The following PACRG variants were observed in gnomAD, a reference collection of about 807,000 sequenced individuals.
PACRG encodes the protein parkin coregulated gene protein.
A neutral mutation model predicts 29.7 loss-of-function variants in PACRG; 29 were observed. That is an observed-to-expected ratio of 0.98 (90% CI 0.73 to 1.33). The LOEUF (loss-of-function observed/expected upper bound fraction) is 1.33, where lower values mean the gene tolerates loss of function less well. Among genes scored for constraint, PACRG ranks in the 40% most tolerant of loss-of-function variants. The pLI is 0.00. For missense variants in PACRG, 279 were observed against 316.2 expected (o/e 0.88, Z 0.89); for synonymous variants, 116 against 118.7 (o/e 0.98, Z 0.15).
intron 4 of PACRG, among the ~76,000 whole-genome samples, chr6:163,137,354 TCC>T: frequency 6.6e-6 from 1 of 151,998 alleles, no homozygotes; most frequent in Non-Finnish European, 1.5e-5. Context: ...ACACTGCAAC[TCC>T]CTGCCCTGCT....
intron 1 of PACRG, among the ~76,000 whole-genome samples, chr6:162,754,947 A>G (rs1781790100): frequency 6.6e-6 from 1 of 152,136 alleles, no homozygotes; most frequent in Admixed American, 6.5e-5. Flanking sequence ...ACAGGCATGT[A>G]AAAGTCTTAT....
At chr6:162,949,525 T>C (rs1301021484) in intron 2 of PACRG, among the ~76,000 whole-genome samples, 4 of 152,194 alleles carry the variant, frequency 2.6e-5, no homozygotes, top group African/African-American at 7.2e-5. Flanking sequence ...TCTCAACTCA[T>C]AGAAATGATG....
intron 2 of PACRG, among the ~76,000 whole-genome samples, chr6:163,041,504 C>T (rs1808718287): frequency 6.6e-6 from 1 of 152,106 alleles, no homozygotes; most frequent in African/African-American, 2.4e-5. Flanking sequence ...TGTCTCTCTC[C>T]AGCCACCATG....
chr6:162,838,553 C>A (rs1252670885), intron 2 of PACRG, among the ~76,000 whole-genome samples: 1 of 152,060 alleles, frequency 6.6e-6, no homozygotes, highest in Non-Finnish European at 1.5e-5. Flanking sequence ...AACAGTGAGT[C>A]TTTCCCACAC....
chr6:162,949,711 G>A lies in PACRG; in HGVS notation c.292-112439G>A, dbSNP rs552419282. Reference sequence around the variant, plus strand: ...TACTTTTGAGTGAAAAATAGAGTGAGGGCAGAAACTAAGTCAGATTCTTGG... The same window carrying A: ...TACTTTTGAGTGAAAAATAGAGTGAAGGCAGAAACTAAGTCAGATTCTTGG... On this transcript the variant is annotated intron_variant, in intron 2 of 4. Coordinates refer to ENST00000366888, the MANE Select transcript of PACRG (RefSeq NM_001080379.2). 2.0e-5 allele frequency among the ~76,000 whole-genome samples: 3 copies of A among 152,210 alleles called. No individual in the cohort carries two copies. The East Asian group carries it at 5.8e-4, about 29-fold the overall frequency.
chr6:162,831,288 T>A, intron 2 of PACRG, among the ~76,000 whole-genome samples: 1 of 152,170 alleles, frequency 6.6e-6, no homozygotes, highest in East Asian at 1.9e-4. Context: ...AATTTATATT[T>A]ATTGCTTTTC....
At chr6:162,804,215 C>T (rs1028719871) in intron 1 of PACRG, among the ~76,000 whole-genome samples, 54 of 152,276 alleles carry the variant, frequency 3.5e-4, no homozygotes, top group Middle Eastern at 6.8e-3. Context: ...AAGCTTTCTA[C>T]AGTTTCTTAT....
intron 1 of PACRG, among the ~76,000 whole-genome samples, chr6:162,802,403 C>G (rs1785950255): frequency 6.6e-6 from 1 of 152,162 alleles, no homozygotes; most frequent in Non-Finnish European, 1.5e-5. Flanking sequence ...TTACTCTGCA[C>G]TTTACATGTT....
chr6:162,824,311 C>G (rs1247668574), intron 2 of PACRG, among the ~76,000 whole-genome samples: 1 of 152,042 alleles, frequency 6.6e-6, no homozygotes, highest in Non-Finnish European at 1.5e-5. Flanking sequence ...CCTTATGTTT[C>G]TGACCGGGCC....
chr6:162,785,201 A>AGG (rs1491268108), intron 1 of PACRG, among the ~76,000 whole-genome samples: 1 of 145,356 alleles, frequency 6.9e-6, no homozygotes, highest in Non-Finnish European at 1.5e-5. Flanking sequence ...AGAGAGAGAG[A>AGG]GGGAGAGAAA....
intron 4 of PACRG, among the ~76,000 whole-genome samples, chr6:163,180,791 A>T (rs1779616301): frequency 6.6e-6 from 1 of 152,118 alleles, no homozygotes; most frequent in Admixed American, 6.5e-5. Context: ...TGGGCAAAAA[A>T]TCTGATTTTA....
At chr6:162,805,399 C>A (rs1454155474) in intron 1 of PACRG, among the ~76,000 whole-genome samples, 1 of 152,120 alleles carries the variant, frequency 6.6e-6, no homozygotes, top group Non-Finnish European at 1.5e-5. Flanking sequence ...TCATCTGAGC[C>A]TTCAGTGAGT....
intron 2 of PACRG, among the ~76,000 whole-genome samples, chr6:163,008,609 A>G (rs1208755963): frequency 6.7e-6 from 1 of 149,410 alleles, no homozygotes; most frequent in Non-Finnish European, 1.5e-5. Flanking sequence ...ATCAAGCCCA[A>G]CGGAAAGCTT....
intron 2 of PACRG, among the ~76,000 whole-genome samples, chr6:162,972,786 C>T (rs1037949552): frequency 2.0e-5 from 3 of 152,178 alleles, no homozygotes; most frequent in Non-Finnish European, 2.9e-5. Flanking sequence ...GTCTGCTCTA[C>T]GTCTTCCACA....
At chr6:162,761,929 CCATCTCAA>C (rs1354707962) in intron 1 of PACRG, among the ~76,000 whole-genome samples, 1 of 133,530 alleles carries the variant, frequency 7.5e-6, no homozygotes. Context: ...CAGCGAGACT[CCATCTCAA>C]AAAAAAAAAA....
At chr6:162,891,177 C>T (rs1794727904) in intron 2 of PACRG, among the ~76,000 whole-genome samples, 1 of 152,144 alleles carries the variant, frequency 6.6e-6, no homozygotes, top group South Asian at 2.1e-4. Flanking sequence ...CCAGTCTGAC[C>T]CCAGCAGCAC....
At chr6:163,080,043 T>C (rs2209103) in intron 3 of PACRG, among the ~76,000 whole-genome samples, 2 of 151,562 alleles carry the variant, frequency 1.3e-5, no homozygotes, top group African/African-American at 4.9e-5. Context: ...AAACTACAGG[T>C]GCCCGCCACC....
chr6:163,113,859 A>G (rs1815841243), intron 4 of PACRG, among the ~76,000 whole-genome samples: 2 of 152,312 alleles, frequency 1.3e-5, no homozygotes, highest in Admixed American at 6.5e-5. Flanking sequence ...AGAAACTAGT[A>G]TTGTTTCACT....
Position 163,276,171 on chromosome 6 carries a change from C to A in PACRG, c.614-38656C>A, listed in dbSNP as rs565925246. On this transcript the variant is annotated intron_variant, in intron 4 of 4. Transcript: ENST00000366888. ...TCTCCCACATAGCTGGGACTACAGG[C>A]GAGCGCTACCATGCCTGGCTAATTT... Among the ~76,000 whole-genome samples the A allele has an allele frequency of 2.6e-5, 4 of 151,920 alleles. No homozygotes were observed. In the South Asian group the frequency reaches 8.3e-4, roughly 32 times the overall value.
Sources: gnomAD v4.1 joint callset for allele counts (sites outside exome capture counted in the v4.1 genomes callset) on GRCh38, gnomAD v4.1.1 for gene constraint, MANE v1.5 for transcripts, NCBI Gene and HGNC (gene_info 2026-07-23, HGNC 2026-07-21) for gene names.